The following HECW1 variants were observed in gnomAD, a reference collection of about 807,000 sequenced individuals.
HECW1 encodes E3 ubiquitin-protein ligase HECW1.
In HECW1, 61 loss-of-function variants were observed where a neutral mutation model predicts 182.3. The observed-to-expected ratio is 0.33, with a 90% confidence interval of 0.27 to 0.41. The LOEUF is 0.41. Among genes scored for constraint, HECW1 ranks in the 10% least tolerant of loss-of-function variants. The probability of loss-of-function intolerance (pLI) is 1.00; values close to 1 mark genes in which losing one functional copy is unlikely to be tolerated. For synonymous variants in HECW1, 859 were observed against 832.6 expected (o/e 1.03, Z -0.55); for missense variants, 1,739 against 2,108.9 (o/e 0.82, Z 3.44).
chr7:43,547,657 G>A (rs553770371), intron 26 of HECW1, among the ~76,000 whole-genome samples: 5 of 152,078 alleles, frequency 3.3e-5, no homozygotes, highest in Admixed American at 6.6e-5. Context: ...CATGAATTTC[G>A]TTTTCCTTTT....
intron 2 of HECW1, among the ~76,000 whole-genome samples, chr7:43,149,854 A>G (rs1455032180): frequency 6.6e-6 from 1 of 152,182 alleles, no homozygotes; most frequent in Non-Finnish European, 1.5e-5. Flanking sequence ...TGATGATTTT[A>G]CTTTTAATTT....
Position 43,444,605 on chromosome 7 carries a change from C to A in HECW1, c.1433C>A (p.Ala478Asp). Reference sequence around the variant, plus strand: ...GCACTGCTGCTGGAAGACGGTGAAGCCCCAGCCAGCACCAAGGAGGAGCCC... The same window carrying A: ...GCACTGCTGCTGGAAGACGGTGAAGACCCAGCCAGCACCAAGGAGGAGCCC... ...ASALLLEDGE[A>D]PASTKEEPLE... Residue 478 changes from alanine to aspartate, a missense_variant, in exon 11 of 30, where the codon GCC (alanine) becomes GAC (aspartate). Ala to Asp is a moderately radical substitution (Grantham distance 126). This residue lies in a region of HECW1 where 971 missense variants were observed against 1,029.1 expected (regional missense o/e 0.94). Transcript: ENST00000395891. This position sits in a 1 kb window ranked among gnomAD's most constrained non-coding sequence, Gnocchi z 4.3. 1 of 1,610,652 alleles carries A rather than the reference C, an allele frequency of 6.2e-7. No individual in the cohort carries two copies. Among genetic ancestry groups the A allele is most frequent in the Non-Finnish European group, 8.5e-7 (1 of 1,178,700 alleles).
chr7:43,472,019 C>T (rs550091340), intron 16 of HECW1, among the ~76,000 whole-genome samples: 14 of 152,140 alleles, frequency 9.2e-5, no homozygotes, highest in African/African-American at 3.4e-4. Context: ...GAAAAAGCCG[C>T]AAACAGAAAA....
chr7:43,274,610 C>A, intron 3 of HECW1: 1 of 396,776 alleles, frequency 2.5e-6, no homozygotes, highest in Non-Finnish European at 4.8e-6. Flanking sequence ...CGGGTGTGCC[C>A]CAAATAAACT....
chr7:43,279,289 CT>C (rs907101308), intron 3 of HECW1, among the ~76,000 whole-genome samples: 1 of 151,906 alleles, frequency 6.6e-6, no homozygotes, highest in East Asian at 1.9e-4. Context: ...TCTCTGTGTC[CT>C]TTTTTTTAGG....
rs1281228145 is a variant in HECW1, at chr7:43,565,561, ATTATTATTATTATTATTATTT to A, written c.*3654_*3674del. On this transcript the variant is annotated 3_prime_UTR_variant, in exon 30 of 30. Transcript: ENST00000395891. Reference sequence around the variant, plus strand: ...CTTTACATAACAAATGTGGTGCTTTATTATTATTATTATTATTATTTTTATTATTATTATTATTACGTACTT... The same window carrying A: ...CTTTACATAACAAATGTGGTGCTTTATTATTATTATTATTATTACGTACTT... The A allele has an allele frequency of 3.8e-5, 6 of 159,382 alleles. No individual in the cohort carries two copies. The highest frequency in any genetic ancestry group is 4.0e-4 in the South Asian group (2 of 4,950). The allele number at this position is 159,382 out of a possible 1,614,324, so 9.9% of individuals were successfully genotyped here. A position where few individuals can be genotyped will look rare whatever the true frequency, so the allele number is the denominator to read the frequency against.
chr7:43,540,984 A>G (rs1281051562), intron 24 of HECW1, among the ~76,000 whole-genome samples, 179 bp from the exon 25 acceptor site: 1 of 152,232 alleles, frequency 6.6e-6, no homozygotes, highest in Admixed American at 6.5e-5. Flanking sequence ...ACAAGCACAC[A>G]GGGATTGTTC....
At chr7:43,180,282 C>T (rs1030032466) in intron 2 of HECW1, among the ~76,000 whole-genome samples, 1 of 152,196 alleles carries the variant, frequency 6.6e-6, no homozygotes, top group African/African-American at 2.4e-5. Context: ...CCTCTAGCTC[C>T]CACTCCTTTT....
chr7:43,386,943 C>T (rs556212265), intron 6 of HECW1, among the ~76,000 whole-genome samples: 1 of 152,200 alleles, frequency 6.6e-6, no homozygotes, highest in Non-Finnish European at 1.5e-5. Flanking sequence ...AGACTACCCA[C>T]ATATTAAGTC....
intron 2 of HECW1, among the ~76,000 whole-genome samples, chr7:43,191,999 G>A (rs1348503801): frequency 3.4e-5 from 5 of 148,298 alleles, no homozygotes; most frequent in South Asian, 2.1e-4. Flanking sequence ...CACTCTTGTC[G>A]CCTAGACTGG....
At chr7:43,550,296 T>C in intron 26 of HECW1, 149 bp from the exon 27 acceptor site, 1 of 821,504 alleles carries the variant, frequency 1.2e-6, no homozygotes, top group Non-Finnish European at 1.9e-6. Context: ...TAGTGACCTT[T>C]AGCAAGGAAA....
rs2081860641 is a variant in HECW1 at position 43,552,273 on chromosome 7, G to A, written c.4447G>A (p.Val1483Met). The A allele has an allele frequency of 6.2e-7, 1 of 1,614,034 alleles. No individual in the cohort carries two copies. The highest frequency in any genetic ancestry group is 1.3e-5 in the African/African-American group (1 of 74,910). ...GTTTGATGCCAGGGAGCTGGAGCTG[G>A]TGATAGCTGGCACCGCGGAAATCGA... is the stretch of plus-strand genomic sequence containing the variant. ...SVFDARELEL[V>M]IAGTAEIDLN... Residue 1483 changes from valine (V) to methionine (M), a missense_variant, in exon 28 of 30, where the codon GTG (valine) becomes ATG (methionine). Val to Met is a conservative substitution (Grantham distance 21, BLOSUM62 1). This residue lies in a region of HECW1 where 420 missense variants were observed against 595.7 expected (regional missense o/e 0.71). Coordinates refer to ENST00000395891, the MANE Select transcript of HECW1 (RefSeq NM_015052.5).
intron 17 of HECW1, among the ~76,000 whole-genome samples, chr7:43,485,514 T>G (rs2152912676): frequency 6.6e-6 from 1 of 152,246 alleles, no homozygotes; most frequent in South Asian, 2.1e-4. Flanking sequence ...TAGAGTGCGC[T>G]TACACAAACC....
intron 3 of HECW1, among the ~76,000 whole-genome samples, chr7:43,304,083 G>A (rs1807212584): frequency 6.6e-6 from 1 of 152,186 alleles, no homozygotes. Context: ...TGCGTGGGCT[G>A]CAGTGATTTT....
chr7:43,307,988 TATA>T (rs1423724066), intron 3 of HECW1, among the ~76,000 whole-genome samples: 1 of 126,096 alleles, frequency 7.9e-6, no homozygotes, highest in Non-Finnish European at 1.6e-5. Context: ...TTATAGAACA[TATA>T]ATATATAATA....
chr7:43,298,361 T>A (rs1324811719), intron 3 of HECW1, among the ~76,000 whole-genome samples: 2 of 152,258 alleles, frequency 1.3e-5, no homozygotes, highest in African/African-American at 4.8e-5. Context: ...GTTTGGCATG[T>A]GCATTTGTTG....
At chr7:43,396,979 A>C in intron 7 of HECW1, 90 bp downstream of exon 7, 1 of 947,020 alleles carries the variant, frequency 1.1e-6, no homozygotes, top group East Asian at 2.4e-5. Flanking sequence ...CTTACCTACA[A>C]GTCAGTCAAC....
At chr7:43,172,450 T>C (rs1791791119) in intron 2 of HECW1, among the ~76,000 whole-genome samples, 2 of 151,808 alleles carry the variant, frequency 1.3e-5, no homozygotes, top group South Asian at 4.2e-4. Context: ...CAATAAATTC[T>C]TTCACACATG....
chr7:43,401,890 A>G (rs2075428800), intron 7 of HECW1, among the ~76,000 whole-genome samples: 1 of 151,780 alleles, frequency 6.6e-6, no homozygotes. Flanking sequence ...TAAGCCCCAT[A>G]TCCCAGGCTC....
Sources: gnomAD v4.1 joint callset for allele counts (sites outside exome capture counted in the v4.1 genomes callset) on GRCh38, gnomAD v4.1.1 for gene constraint, gnomAD v4.1.1 regional missense constraint, Gnocchi (gnomAD v3.1) non-coding constraint, MANE v1.5 for transcripts, NCBI Gene and HGNC (gene_info 2026-07-23, HGNC 2026-07-21) for gene names.